TG: variants seen among roughly 807,000 people sequenced by gnomAD.
TG encodes the protein thyroglobulin.
In TG, 270 loss-of-function variants were observed where a neutral mutation model predicts 324.7. The ratio of observed to expected loss-of-function variants is 0.83; its 90% CI spans 0.75 to 0.92. The LOEUF (loss-of-function observed/expected upper bound fraction) is 0.92. TG is among the 40% of genes least tolerant of loss of function. TG has a pLI of 0.00. For missense variants in TG, 3,591 were observed against 3,456.4 expected, an observed-to-expected ratio of 1.04 and a Z score of -0.98; for synonymous variants, 1,401 against 1,327.0, an observed-to-expected ratio of 1.06 and a Z score of -1.21.
rs138792775 is a variant in TG at position 132,933,922 on chromosome 8, G to A, written c.4932+246G>A. 1.1e-4 allele frequency among the ~76,000 whole-genome samples: 16 copies of A among 152,280 alleles called. No individual in the cohort carries two copies. In the East Asian group the frequency reaches 3.1e-3, roughly 29 times the overall value. On this transcript the variant is annotated intron_variant, in intron 24 of 47. Coordinates refer to ENST00000220616, the MANE Select transcript of TG (RefSeq NM_003235.5). ...AGCCTTGTGGCTTCCTGACGAGTCA[G>A]TCAGGAGAGAACCACCTGCCCCATC... is the stretch of plus-strand genomic sequence containing the variant.
At chr8:132,968,020 G>T in intron 31 of TG, 50 bp downstream of exon 31, 1 of 1,599,544 alleles carries the variant, frequency 6.3e-7, no homozygotes, top group Non-Finnish European at 8.5e-7. Flanking sequence ...TGTTCTGCTG[G>T]CTCTGTGGTT....
chr8:133,114,987 C>T (rs80222635), intron 44 of TG, among the ~76,000 whole-genome samples: 1 of 149,390 alleles, frequency 6.7e-6, no homozygotes, highest in African/African-American at 2.5e-5. Context: ...AAACAGCCAA[C>T]AGCTATTTTG....
intron 11 of TG, among the ~76,000 whole-genome samples, chr8:132,895,021 C>A (rs1816899019): frequency 6.6e-6 from 1 of 152,216 alleles, no homozygotes; most frequent in South Asian, 2.1e-4. Flanking sequence ...CAGGCAGATT[C>A]CAGGTATTGC....
chr8:132,968,499 A>AT (rs139105113), intron 31 of TG, among the ~76,000 whole-genome samples: 2,335 of 152,100 alleles, frequency 0.015, 24 homozygotes, highest in Non-Finnish European at 0.024. Context: ...ATTTTTGGAG[A>AT]TTTTTTTTAA....
At chr8:132,905,908 A>G (rs1818607074) in intron 16 of TG, among the ~76,000 whole-genome samples, 1 of 152,148 alleles carries the variant, frequency 6.6e-6, no homozygotes, top group South Asian at 2.1e-4. Flanking sequence ...GGCAGAAGGA[A>G]GGCTTGGAGG....
At chr8:132,935,103 A>C (rs1054046511) in intron 24 of TG, among the ~76,000 whole-genome samples, 1 of 151,840 alleles carries the variant, frequency 6.6e-6, no homozygotes, top group African/African-American at 2.4e-5. Context: ...CCTCTGCTTA[A>C]AATCAGCCCT....
intron 2 of TG, 137 bp downstream of exon 2, chr8:132,868,360 C>CTAAGCAGGGA: frequency 1.2e-6 from 1 of 815,322 alleles, no homozygotes; most frequent in East Asian, 2.7e-5. Flanking sequence ...TTTGGAGGTG[C>CTAAGCAGGGA]CTGCCTTTCA....
Position 132,867,028 on chromosome 8 carries a change from C to G in TG, c.28C>G (p.Leu10Val). The G allele has an allele frequency of 6.2e-7, 1 of 1,601,568 alleles. No homozygotes were observed. Among genetic ancestry groups the G allele is most frequent in the Non-Finnish European group, 8.5e-7 (1 of 1,173,032 alleles). ...GGCCCTGGTCCTGGAGATCTTCACC[C>G]TGCTGGCCTCCATCTGCTGGGTGTC... is the stretch of plus-strand genomic sequence containing the variant. MALVLEIFT[L>V]LASICWVSAN... Residue 10 changes from leucine to valine, a missense_variant, in exon 1 of 48, where the codon CTG becomes GTG. Coordinates refer to ENST00000220616, the MANE Select transcript of TG (RefSeq NM_003235.5).
intron 47 of TG, among the ~76,000 whole-genome samples, chr8:133,134,059 G>A (rs1237119386): frequency 6.6e-6 from 1 of 152,230 alleles, no homozygotes; most frequent in Non-Finnish European, 1.5e-5. Context: ...CTAGCCAGGG[G>A]AAAAGTGGGC....
Position 132,882,867 on chromosome 8 carries a change from T to C in TG, c.943T>C (p.Tyr315His). 2 of 1,614,216 alleles carry C rather than the reference T, an allele frequency of 1.2e-6. No homozygotes were observed. Among genetic ancestry groups the C allele is most frequent in the Non-Finnish European group, 1.7e-6 (2 of 1,180,032 alleles). Residue 315 changes from tyrosine to histidine, a missense_variant, in exon 8 of 48, where the codon TAT becomes CAT. Physicochemically the swap from Tyr to His is moderately conservative, Grantham distance 83 (BLOSUM62 2). Coordinates refer to ENST00000220616, the MANE Select transcript of TG (RefSeq NM_003235.5). ...RFTATSFGHPYVPSCRRNGDY... is the reference protein window; with the variant it reads ...RFTATSFGHPHVPSCRRNGDY... Reference sequence around the variant, plus strand: ...TACAGCAACCAGCTTTGGTCACCCCTATGTTCCAAGCTGCCGCCGAAATGG... The same window carrying C: ...TACAGCAACCAGCTTTGGTCACCCCCATGTTCCAAGCTGCCGCCGAAATGG...
chr8:133,050,996 G>A, intron 41 of TG: 1 of 769,956 alleles, frequency 1.3e-6, no homozygotes, highest in Non-Finnish European at 2.3e-6. Context: ...GGGAGGGAGG[G>A]TATGAAGATG....
At chr8:132,972,570 T>G in intron 33 of TG, 28 bp from the exon 34 acceptor site, 1 of 1,379,276 alleles carries the variant, frequency 7.3e-7, no homozygotes. Flanking sequence ...CTGATTGTGG[T>G]TTTTTGTTTT....
chr8:133,067,811 AG>A (rs1373236170), intron 41 of TG, among the ~76,000 whole-genome samples: 2 of 119,378 alleles, frequency 1.7e-5, no homozygotes, highest in Non-Finnish European at 4.1e-5. Flanking sequence ...AAAGAAAGAA[AG>A]GAAGGAAGGA....
intron 23 of TG, among the ~76,000 whole-genome samples, chr8:132,929,439 G>C (rs556245483): frequency 6.6e-6 from 1 of 152,264 alleles, no homozygotes; most frequent in South Asian, 2.1e-4. Context: ...AACAAAATTA[G>C]TTTGGCATAG....
intron 34 of TG, 40 bp from the exon 35 acceptor site, chr8:132,983,310 G>C (rs528919657): frequency 6.2e-7 from 1 of 1,601,112 alleles, no homozygotes; most frequent in Non-Finnish European, 8.6e-7. Flanking sequence ...TGATACCATG[G>C]GGGTAGAAAA....
At chr8:132,897,282 T>C (rs530811215) in intron 11 of TG, among the ~76,000 whole-genome samples, 1 of 152,322 alleles carries the variant, frequency 6.6e-6, no homozygotes, top group African/African-American at 2.4e-5. Context: ...ATTAAATTAA[T>C]TAAGGTATGT....
At chr8:133,007,234 G>A (rs1380687663) in intron 35 of TG, among the ~76,000 whole-genome samples, 4 of 152,102 alleles carry the variant, frequency 2.6e-5, no homozygotes, top group African/African-American at 9.7e-5. Context: ...GCGCTGGAAG[G>A]AGTAAGACCG....
intron 29 of TG, among the ~76,000 whole-genome samples, chr8:132,965,234 C>G (rs565290262): frequency 3.3e-5 from 5 of 152,172 alleles, no homozygotes; most frequent in Admixed American, 1.3e-4. Flanking sequence ...AACTGGCCAT[C>G]ATACAATCAC....
chr8:133,036,635 C>G (rs1176866671), intron 41 of TG: 3 of 152,466 alleles, frequency 2.0e-5, no homozygotes, highest in African/African-American at 7.2e-5. Context: ...CTTTACTCCT[C>G]TCTCTCTAGT....
Sources: allele counts gnomAD v4.1 joint callset (sites outside exome capture counted in the v4.1 genomes callset), GRCh38; gene constraint gnomAD v4.1.1; transcripts MANE v1.5; gene names NCBI Gene and HGNC (gene_info 2026-07-23, HGNC 2026-07-21).